RBFOX1: variants seen among roughly 807,000 people sequenced by gnomAD.
RBFOX1 encodes RNA binding fox-1 homolog 1.
A neutral mutation model predicts 57.7 loss-of-function variants in RBFOX1; 8 were observed. That is an observed-to-expected ratio of 0.14 (90% CI 0.08 to 0.25). The LOEUF (loss-of-function observed/expected upper bound fraction) is 0.25, where lower values mean the gene tolerates loss of function less well. Ranked by LOEUF, RBFOX1 falls within the 10% of genes least tolerant of loss-of-function variation. The probability of loss-of-function intolerance (pLI) is 1.00; values close to 1 mark genes in which losing one functional copy is unlikely to be tolerated. For missense variants in RBFOX1, 611 were observed against 548.5 expected, an observed-to-expected ratio of 1.11 and a Z score of -1.14; for synonymous variants, 326 against 222.4, an observed-to-expected ratio of 1.47 and a Z score of -4.15.
At chr16:6,311,434 G>A (rs2080298900) in intron 1 of RBFOX1, among the ~76,000 whole-genome samples, 2 of 152,222 alleles carry the variant, frequency 1.3e-5, no homozygotes, top group African/African-American at 4.8e-5. Flanking sequence ...AGCATCTGAT[G>A]TGGGGATGGG....
intron 3 of RBFOX1, among the ~76,000 whole-genome samples, chr16:5,779,649 G>A (rs1279735780): frequency 6.6e-6 from 1 of 152,086 alleles, no homozygotes; most frequent in Non-Finnish European, 1.5e-5. Flanking sequence ...GGCTCATTGT[G>A]GATTCTACTG....
chr16:6,154,633 G>A (rs1390430594), intron 1 of RBFOX1, among the ~76,000 whole-genome samples: 1 of 152,192 alleles, frequency 6.6e-6, no homozygotes, highest in African/African-American at 2.4e-5. Context: ...TCTACTCTTG[G>A]TATTGGAATC....
At chr16:6,463,215 A>T (rs1343087533) in intron 2 of RBFOX1, among the ~76,000 whole-genome samples, 1 of 152,192 alleles carries the variant, frequency 6.6e-6, no homozygotes, top group Non-Finnish European at 1.5e-5. Flanking sequence ...TCTAACATGC[A>T]TTATTTTTCC....
rs572749732 is a variant in RBFOX1, at chr16:6,606,209, C to T, written c.-63-48394C>T. On this transcript the variant is annotated intron_variant, in intron 2 of 15. Transcript: ENST00000550418. Reference sequence around the variant, plus strand: ...ATAGGCAGAGACTTGGACAGGTAATCGGAGGCTAAAATAGGAATCCTGTGA... The same window carrying T: ...ATAGGCAGAGACTTGGACAGGTAATTGGAGGCTAAAATAGGAATCCTGTGA... Among the ~76,000 whole-genome samples, 18 of 152,150 alleles carry T rather than the reference C, an allele frequency of 1.2e-4. No homozygotes were observed. In the East Asian group the frequency reaches 2.9e-3, roughly 25 times the overall value.
rs115344161 is a variant in RBFOX1, at chr16:6,476,652, G to A, written c.-64+159595G>A. ...GCCTCGGTGTTGATGGCTTTGTACT[G>A]GTCAGGGTGGTAGTTGTGGTAGTTG... is the stretch of plus-strand genomic sequence containing the variant. On this transcript the variant is annotated intron_variant, in intron 2 of 15. Transcript: ENST00000550418. Among the ~76,000 whole-genome samples, 337 of 152,250 alleles carry A rather than the reference G, an allele frequency of 2.2e-3. 1 individual carries two copies. Among genetic ancestry groups the A allele is most frequent in the African/African-American group, 7.8e-3 (323 of 41,548 alleles).
chr16:6,631,256 T>A (rs867339336), intron 2 of RBFOX1, among the ~76,000 whole-genome samples: 2 of 151,842 alleles, frequency 1.3e-5, no homozygotes, highest in African/African-American at 4.8e-5. Flanking sequence ...AGTAAAGGGA[T>A]GGAATAAAAC....
At chr16:7,620,609 AG>A (rs1431714653) in intron 10 of RBFOX1, among the ~76,000 whole-genome samples, 3 of 152,228 alleles carry the variant, frequency 2.0e-5, no homozygotes, top group Non-Finnish European at 4.4e-5. Context: ...ATCTTTAGCC[AG>A]GAAGAGTCAG....
intron 1 of RBFOX1, among the ~76,000 whole-genome samples, chr16:5,439,417 G>A (rs1306155589): frequency 6.6e-6 from 1 of 152,130 alleles, no homozygotes; most frequent in Non-Finnish European, 1.5e-5. Flanking sequence ...AACGCATCAT[G>A]GGGAATGAAA....
At chr16:7,174,610 A>G (rs1458007286) in intron 4 of RBFOX1, among the ~76,000 whole-genome samples, 1 of 152,120 alleles carries the variant, frequency 6.6e-6, no homozygotes, top group Non-Finnish European at 1.5e-5. Context: ...GTGAAACCCC[A>G]TCTCTACTAA....
intron 3 of RBFOX1, among the ~76,000 whole-genome samples, chr16:5,797,294 A>G (rs1737332725): frequency 6.6e-6 from 1 of 152,180 alleles, no homozygotes; most frequent in Admixed American, 6.5e-5. Context: ...CTTTCAGGAC[A>G]TCTTTGGGGT....
rs376425291 is a variant in RBFOX1 at position 7,412,194 on chromosome 16, A to G, written c.28-105953A>G. 1.1e-4 allele frequency among the ~76,000 whole-genome samples: 16 copies of G among 152,104 alleles called. No individual in the cohort carries two copies. The East Asian group carries it at 2.5e-3, about 24-fold the overall frequency. ...CACGGCTGTAATCCCAGTACTTTGG[A>G]GGACTACCTGAGGAGTTCCAGACTA... is the stretch of plus-strand genomic sequence containing the variant. On this transcript the variant is annotated intron_variant, in intron 4 of 15. Transcript: ENST00000550418.
intron 3 of RBFOX1, among the ~76,000 whole-genome samples, chr16:5,781,268 C>A (rs906893911): frequency 1.3e-5 from 2 of 152,148 alleles, no homozygotes; most frequent in Non-Finnish European, 2.9e-5. Flanking sequence ...TGGAATTGTA[C>A]AGTTTCAATT....
At chr16:7,510,976 G>C (rs1360397191) in intron 4 of RBFOX1, among the ~76,000 whole-genome samples, 1 of 152,192 alleles carries the variant, frequency 6.6e-6, no homozygotes, top group African/African-American at 2.4e-5. Context: ...CTGGGGACAA[G>C]TAAATTCCAG....
At position 7,654,008 on chromosome 16, in the gene RBFOX1, G is replaced by A. The variant is rs546544429; in HGVS notation, c.890+61G>A. ...ACCAGCCCTCCCTCCCCAGAGGCAC[G>A]GAGCTGTTTGCGAGCGCATGATGGT... is the stretch of plus-strand genomic sequence containing the variant. On this transcript the variant is annotated intron_variant, in intron 12 of 15. Coordinates refer to ENST00000550418, the MANE Select transcript of RBFOX1 (RefSeq NM_018723.4). The A allele has an allele frequency of 7.2e-5, 103 of 1,433,332 alleles. No individual in the cohort carries two copies. In the African/African-American group the frequency reaches 1.3e-3, roughly 19 times the overall value. 88.8% of individuals were successfully genotyped at this position (1,433,332 alleles called of 1,614,324 possible). A position where few individuals can be genotyped will look rare whatever the true frequency, so the allele number is the denominator to read the frequency against.
In RBFOX1 at chr16:7,313,571, A is replaced by ATAAGCCAGCC. The variant is rs543463859; in HGVS notation, c.28-204574_28-204565dup. Among the ~76,000 whole-genome samples, 1,112 of 151,304 alleles carry ATAAGCCAGCC rather than the reference A, an allele frequency of 7.3e-3. 11 individuals are homozygous for ATAAGCCAGCC. The highest frequency in any genetic ancestry group is 0.012 in the Non-Finnish European group (822 of 67,926). ...CTTGTAAGACCATTTAGGTAACGAG[A>ATAAGCCAGCC]TAAGCCAGCCTTCTTCCACAATGAT... On this transcript the variant is annotated intron_variant, in intron 4 of 15. Coordinates refer to ENST00000550418, the MANE Select transcript of RBFOX1 (RefSeq NM_018723.4).
chr16:5,422,465 AG>A (rs2067366133), intron 1 of RBFOX1, among the ~76,000 whole-genome samples: 1 of 104,568 alleles, frequency 9.6e-6, no homozygotes, highest in Admixed American at 1.0e-4. Context: ...AGGGAGAGGG[AG>A]GGGGAAGAAA....
intron 3 of RBFOX1, among the ~76,000 whole-genome samples, chr16:6,771,935 C>G (rs1358386165): frequency 6.6e-6 from 1 of 152,132 alleles, no homozygotes; most frequent in African/African-American, 2.4e-5. Context: ...ATCTCCTACT[C>G]TGGGCATTGT....
chr16:5,974,007 C>T (rs550059221), intron 4 of RBFOX1, among the ~76,000 whole-genome samples: 1 of 152,176 alleles, frequency 6.6e-6, no homozygotes, highest in Non-Finnish European at 1.5e-5. Context: ...ATCCTTAAAA[C>T]CTCATTTCCT....
At chr16:6,598,908 T>G (rs1001221169) in intron 2 of RBFOX1, among the ~76,000 whole-genome samples, 9 of 152,134 alleles carry the variant, frequency 5.9e-5, no homozygotes, top group Non-Finnish European at 8.8e-5. Flanking sequence ...ATTGCGCCAC[T>G]GCACTCCAGC....
Sources: gnomAD v4.1 joint callset for allele counts (sites outside exome capture counted in the v4.1 genomes callset) on GRCh38, gnomAD v4.1.1 for gene constraint, MANE v1.5 for transcripts, NCBI Gene and HGNC (gene_info 2026-07-23, HGNC 2026-07-21) for gene names.